ABLIM3: variants seen among roughly 807,000 people sequenced by gnomAD.
ABLIM3 encodes the protein actin-binding LIM protein 3.
Under a neutral mutation model 109.5 loss-of-function variants are expected in ABLIM3, and 61 were observed. The observed-to-expected ratio is 0.56, with a 90% CI of 0.45 to 0.69. ABLIM3 has a LOEUF of 0.69. Among genes scored for constraint, ABLIM3 ranks in the 30% least tolerant of loss-of-function variants. The pLI is 0.00. For synonymous variants in ABLIM3, 300 were observed against 324.8 expected, an observed-to-expected ratio of 0.92 and a Z score of 0.82; for missense variants, 796 against 889.5, an observed-to-expected ratio of 0.89 and a Z score of 1.34.
In ABLIM3 at chr5:149,240,699, C is replaced by T. The variant is rs868073799; in HGVS notation, c.1228C>T (p.Pro410Ser). 1.2e-6 allele frequency: 2 copies of T among 1,614,154 alleles called. No individual in the cohort carries two copies. The highest frequency in any genetic ancestry group is 2.2e-5 in the South Asian group (2 of 91,084). ...AGGGCCCGAGAGTGGCCGGAGCTCTCCATACCATAGCCAGTTAGATGTGAG... is the reference window on the plus strand; with the variant it reads ...AGGGCCCGAGAGTGGCCGGAGCTCTTCATACCATAGCCAGTTAGATGTGAG... ...RSGPESGRSS[P>S]YHSQLDVRSS... The change falls in exon 14 of 24, where the codon CCA becomes TCA. Residue 410 changes from proline to serine, a missense_variant. Physicochemically the swap from Pro to Ser is moderately conservative, Grantham distance 74. Transcript: ENST00000309868.
At chr5:149,243,417 C>G (rs567461576) in intron 15 of ABLIM3, 1 of 152,284 alleles carries the variant, frequency 6.6e-6, no homozygotes, top group South Asian at 2.1e-4. Flanking sequence ...CCCTGTGCAC[C>G]CACACTTGCT....
chr5:149,252,843 T>G lies in ABLIM3; in HGVS notation c.1938+6T>G. On this transcript the variant is annotated splice_donor_region_variant and intron_variant, in intron 23 of 23. Transcript: ENST00000309868. ...TAGACAGGACCCGTTTAGAGGTAAG[T>G]CTAAAAAACTGAGCAGGAGCTCTTG... 5 of 1,611,338 alleles carry G rather than the reference T, an allele frequency of 3.1e-6. No individual in the cohort carries two copies. The highest frequency in any genetic ancestry group is 4.2e-6 in the Non-Finnish European group (5 of 1,177,900).
At chr5:149,208,475 G>A (rs1759239500) in intron 6 of ABLIM3, among the ~76,000 whole-genome samples, 1 of 150,108 alleles carries the variant, frequency 6.7e-6, no homozygotes, top group East Asian at 2.0e-4. Flanking sequence ...CTTCATGGTG[G>A]ATTAGTTCTC....
In ABLIM3 at chr5:149,198,324, G is replaced by A. The variant is rs199548691; in HGVS notation, c.257G>A (p.Arg86Gln). The change falls in exon 4 of 24, where the codon CGG becomes CAG. Residue 86 changes from arginine to glutamine, a missense_variant. Transcript: ENST00000309868. This position sits in a 1 kb window ranked among gnomAD's most constrained non-coding sequence, Gnocchi z 4.2. Reference protein sequence around the residue: ...QLYGTRCDSCRDFITGEVISA... With the variant: ...QLYGTRCDSCQDFITGEVISA... ...TATGGCACCCGCTGTGACAGCTGCC[G>A]GGACTTCATCACAGGCGAAGTCATC... 734 of 1,614,042 alleles carry A rather than the reference G, an allele frequency of 4.5e-4. 1 individual carries two copies. The highest frequency in any genetic ancestry group is 6.0e-4 in the Non-Finnish European group (711 of 1,180,028).
In ABLIM3 at chr5:149,200,403, G is replaced by A. The variant is rs1758382086; in HGVS notation, c.423G>A (p.Lys141=). Residue 141 remains lysine (K), a synonymous_variant, in exon 5 of 24, where the codon AAG becomes AAA. Transcript: ENST00000309868. ...QTCSQSMASS[K]PIKIRGPSHC... ...GCTCCCAGTCCATGGCCAGCAGTAA[G>A]CCCATCAAGATTCGTGGACCAAGCC... is the stretch of plus-strand genomic sequence containing the variant. The A allele has an allele frequency of 6.2e-7, 1 of 1,614,212 alleles. No homozygotes were observed. The highest frequency in any genetic ancestry group is 8.5e-7 in the Non-Finnish European group (1 of 1,180,038).
chr5:149,158,175 C>A (rs1008856818), intron 2 of ABLIM3, among the ~76,000 whole-genome samples: 5 of 152,126 alleles, frequency 3.3e-5, no homozygotes, highest in African/African-American at 1.2e-4. Context: ...TTTCTTAGTG[C>A]CCTCTTTCAG....
At chr5:149,194,194 C>T (rs2127490512) in intron 3 of ABLIM3, among the ~76,000 whole-genome samples, 1 of 151,970 alleles carries the variant, frequency 6.6e-6, no homozygotes, top group South Asian at 2.1e-4. Context: ...GGATTGATTT[C>T]CAAAATATAT....
At chr5:149,226,952 C>T (rs1761351670) in intron 8 of ABLIM3, among the ~76,000 whole-genome samples, 1 of 151,848 alleles carries the variant, frequency 6.6e-6, no homozygotes, top group Non-Finnish European at 1.5e-5. Context: ...TGTCTGTAAT[C>T]CCAGCTACTC....
chr5:149,228,084 C>T (rs1761499107), intron 8 of ABLIM3, among the ~76,000 whole-genome samples: 1 of 152,176 alleles, frequency 6.6e-6, no homozygotes, highest in Non-Finnish European at 1.5e-5. Flanking sequence ...TGCTGAGTCT[C>T]CTTCCTAATA....
At chr5:149,199,023 T>C in intron 4 of ABLIM3, 1 of 456,440 alleles carries the variant, frequency 2.2e-6, no homozygotes, top group Non-Finnish European at 4.4e-6. Flanking sequence ...ATCATGATGA[T>C]AGTCATCTAT....
At chr5:149,247,677 G>T in intron 17 of ABLIM3, 105 bp from the exon 18 acceptor site, 1 of 1,442,262 alleles carries the variant, frequency 6.9e-7, no homozygotes, top group South Asian at 1.2e-5. Flanking sequence ...AAACATGAGA[G>T]CAGGCTGCTA....
chr5:149,252,550 A>C (rs1754033440), intron 22 of ABLIM3: 2 of 575,244 alleles, frequency 3.5e-6, no homozygotes, highest in African/African-American at 3.7e-5. Context: ...TCCTAGTAGT[A>C]TTAGGGGACT....
In ABLIM3 at chr5:149,240,711, C is replaced by G; in HGVS notation, c.1240C>G (p.Gln414Glu). The G allele has an allele frequency of 1.2e-6, 2 of 1,614,186 alleles. No homozygotes were observed. Among genetic ancestry groups the G allele is most frequent in the Non-Finnish European group, 1.7e-6 (2 of 1,180,048 alleles). The change falls in exon 14 of 24, where the codon CAG (glutamine) becomes GAG (glutamate). Residue 414 changes from glutamine (Q) to glutamate (E), a missense_variant. Coordinates refer to ENST00000309868, the MANE Select transcript of ABLIM3 (RefSeq NM_014945.5). ...TGGCCGGAGCTCTCCATACCATAGC[C>G]AGTTAGATGTGAGGTCCTCCACTCC... ...ESGRSSPYHS[Q>E]LDVRSSTPTS...
intron 7 of ABLIM3, among the ~76,000 whole-genome samples, chr5:149,211,181 T>TATTTA (rs1306061556): frequency 2.0e-5 from 3 of 151,712 alleles, no homozygotes; most frequent in African/African-American, 7.3e-5. Flanking sequence ...ATTATTTATT[T>TATTTA]TGTTTGTTTG....
At chr5:149,202,071 T>C (rs1203389527) in intron 5 of ABLIM3, among the ~76,000 whole-genome samples, 1 of 152,362 alleles carries the variant, frequency 6.6e-6, no homozygotes, top group East Asian at 1.9e-4. Flanking sequence ...AGGTTTAATA[T>C]AGAAAGCACA....
chr5:149,195,372 G>T (rs1385753653), intron 3 of ABLIM3, among the ~76,000 whole-genome samples: 2 of 152,176 alleles, frequency 1.3e-5, no homozygotes, highest in African/African-American at 4.8e-5. Context: ...GTTCAATATT[G>T]CGTTTCACTC....
chr5:149,178,359 G>A (rs533084500), intron 2 of ABLIM3, among the ~76,000 whole-genome samples: 222 of 152,284 alleles, frequency 1.5e-3, no homozygotes, highest in African/African-American at 5.1e-3. Context: ...CATCCCCTGG[G>A]CCCTGGGCTG....
At chr5:149,251,001 A>G (rs967874881) in intron 20 of ABLIM3, among the ~76,000 whole-genome samples, 1 of 152,164 alleles carries the variant, frequency 6.6e-6, no homozygotes, top group African/African-American at 2.4e-5. Context: ...GCGTGCTGTT[A>G]TGGAAAAAGA....
At position 149,217,098 on chromosome 5, in the gene ABLIM3, A is replaced by G. The variant is rs755996320; in HGVS notation, c.757+52A>G. The G allele has an allele frequency of 1.4e-5, 21 of 1,507,502 alleles. No individual in the cohort carries two copies. The African/African-American group carries it at 2.8e-4, about 20-fold the overall frequency. The allele number at this position is 1,507,502 out of a possible 1,614,324, so 93.4% of individuals were successfully genotyped here. A position where few individuals can be genotyped will look rare whatever the true frequency, so the allele number is the denominator to read the frequency against. Reference sequence around the variant, plus strand: ...CCTTCCGACCTGCTCATGACTGGAAAGGAGATGCGATCTTCAGGTTCAGTG... The same window carrying G: ...CCTTCCGACCTGCTCATGACTGGAAGGGAGATGCGATCTTCAGGTTCAGTG... On this transcript the variant is annotated intron_variant, in intron 8 of 23. Transcript: ENST00000309868.
Sources: allele counts gnomAD v4.1 joint callset (sites outside exome capture counted in the v4.1 genomes callset), GRCh38; gene constraint gnomAD v4.1.1; non-coding constraint Gnocchi (gnomAD v3.1); transcripts MANE v1.5; gene names NCBI Gene and HGNC (gene_info 2026-07-23, HGNC 2026-07-21).